The following STXBP6 variants were observed in gnomAD, a reference collection of about 807,000 sequenced individuals.
The protein encoded by STXBP6 is syntaxin-binding protein 6.
STXBP6 carries 21 observed loss-of-function variants against 26.9 expected under a neutral mutation model. That is an observed-to-expected ratio of 0.78 (90% CI 0.55 to 1.12). The LOEUF is 1.12. STXBP6 is among the 50% of genes most tolerant of loss of function. The pLI is 0.00. For missense variants in STXBP6, 232 were observed against 257.9 expected, an observed-to-expected ratio of 0.90 and a Z score of 0.69; for synonymous variants, 97 against 92.6, an observed-to-expected ratio of 1.05 and a Z score of -0.27.
At chr14:24,926,224 GA>G (rs370493048) in intron 2 of STXBP6, among the ~76,000 whole-genome samples, 11 of 150,794 alleles carry the variant, frequency 7.3e-5, no homozygotes, top group South Asian at 2.1e-4. Flanking sequence ...GAAGAAAAGG[GA>G]AAAAAAAAGC....
intron 4 of STXBP6, among the ~76,000 whole-genome samples, chr14:24,832,528 G>A (rs2068485856): frequency 6.6e-6 from 1 of 151,998 alleles, no homozygotes; most frequent in African/African-American, 2.4e-5. Context: ...AATCCCAATG[G>A]GTATCATGAC....
chr14:25,046,346 C>T (rs554533777), intron 1 of STXBP6, among the ~76,000 whole-genome samples: 54 of 152,354 alleles, frequency 3.5e-4, no homozygotes, highest in Non-Finnish European at 1.5e-5. Context: ...GCTGTTCCTT[C>T]ACCAAGTGCT....
chr14:24,933,432 C>T (rs1288785553), intron 2 of STXBP6, among the ~76,000 whole-genome samples: 1 of 152,086 alleles, frequency 6.6e-6, no homozygotes, highest in Non-Finnish European at 1.5e-5. Flanking sequence ...GGAACTGAAA[C>T]AGTATCCAGA....
intron 1 of STXBP6, among the ~76,000 whole-genome samples, chr14:25,026,483 C>T (rs528203243): frequency 9.9e-5 from 15 of 152,258 alleles, no homozygotes; most frequent in South Asian, 4.1e-4. Flanking sequence ...TAATCAAACA[C>T]GGTAATACTG....
At chr14:24,880,380 A>G (rs950894027) in intron 2 of STXBP6, among the ~76,000 whole-genome samples, 2 of 152,220 alleles carry the variant, frequency 1.3e-5, no homozygotes, top group African/African-American at 4.8e-5. Flanking sequence ...TTGGGGGTAC[A>G]TTAATGCTTA....
At chr14:25,035,950 G>C (rs1353738362) in intron 1 of STXBP6, among the ~76,000 whole-genome samples, 1 of 152,126 alleles carries the variant, frequency 6.6e-6, no homozygotes, top group Non-Finnish European at 1.5e-5. Context: ...GGGCACGGTG[G>C]CTCACGCCTG....
intron 4 of STXBP6, among the ~76,000 whole-genome samples, chr14:24,839,892 G>A (rs2068737540): frequency 6.6e-6 from 1 of 152,192 alleles, no homozygotes; most frequent in African/African-American, 2.4e-5. Flanking sequence ...CCGCTTTCTA[G>A]AGAGAAAGAG....
chr14:24,882,377 TCAAAAAA>T (rs2070400570), intron 2 of STXBP6, among the ~76,000 whole-genome samples: 1 of 12,966 alleles, frequency 7.7e-5, no homozygotes, highest in Admixed American at 2.1e-3. Context: ...AGACTCCGTC[TCAAAAAA>T]AAAAAAAAAA....
chr14:24,814,252 C>T (rs554401416), intron 5 of STXBP6, among the ~76,000 whole-genome samples: 2 of 152,158 alleles, frequency 1.3e-5, no homozygotes, highest in Non-Finnish European at 2.9e-5. Flanking sequence ...AATGGCAGAG[C>T]CAGGGCTCTA....
chr14:25,039,290 T>C (rs1186205454), intron 1 of STXBP6, among the ~76,000 whole-genome samples: 1 of 152,238 alleles, frequency 6.6e-6, no homozygotes, highest in African/African-American at 2.4e-5. Context: ...CAGGAAGTTA[T>C]TATAAGTCTT....
chr14:25,013,826 T>C (rs926745607), intron 1 of STXBP6, among the ~76,000 whole-genome samples: 2 of 151,090 alleles, frequency 1.3e-5, no homozygotes, highest in Non-Finnish European at 2.9e-5. Context: ...GTCAATCAAC[T>C]GCAATGTGTA....
chr14:24,933,882 T>C (rs2072508484), intron 2 of STXBP6, among the ~76,000 whole-genome samples: 1 of 152,196 alleles, frequency 6.6e-6, no homozygotes, highest in Non-Finnish European at 1.5e-5. Flanking sequence ...CTTACTTCTA[T>C]GTAAAAACTC....
intron 2 of STXBP6, among the ~76,000 whole-genome samples, chr14:24,898,320 G>T (rs1449682391): frequency 6.6e-5 from 10 of 152,176 alleles, no homozygotes; most frequent in Non-Finnish European, 1.5e-5. Flanking sequence ...TCACCACTGG[G>T]TAATAATATT....
At chr14:24,886,898 G>A (rs2139485354) in intron 2 of STXBP6, among the ~76,000 whole-genome samples, 1 of 152,242 alleles carries the variant, frequency 6.6e-6, no homozygotes, top group African/African-American at 2.4e-5. Flanking sequence ...TTTCTTTCTT[G>A]AATCCAATCC....
intron 2 of STXBP6, among the ~76,000 whole-genome samples, chr14:24,911,333 C>A (rs902826110): frequency 6.7e-6 from 1 of 148,672 alleles, no homozygotes; most frequent in Non-Finnish European, 1.5e-5. Flanking sequence ...CAAGACCCTG[C>A]CTCAAAGAAG....
chr14:25,014,178 G>A (rs1289530402), intron 1 of STXBP6, among the ~76,000 whole-genome samples: 3 of 152,154 alleles, frequency 2.0e-5, no homozygotes, highest in Non-Finnish European at 4.4e-5. Flanking sequence ...TCCTGTGTAC[G>A]TTTGAAATTT....
intron 4 of STXBP6, among the ~76,000 whole-genome samples, chr14:24,835,210 T>C (rs1413997972): frequency 6.6e-6 from 1 of 152,158 alleles, no homozygotes; most frequent in East Asian, 1.9e-4. Flanking sequence ...GCAAGCAAAC[T>C]GGATCCCTGA....
intron 1 of STXBP6, chr14:25,048,964 C>T (rs1280367373): frequency 5.8e-6 from 1 of 172,364 alleles, no homozygotes; most frequent in Non-Finnish European, 1.2e-5. Context: ...ACCTACCGAT[C>T]CTATTCTCTC....
chr14:24,933,256 C>T (rs566912216), intron 2 of STXBP6, among the ~76,000 whole-genome samples: 1 of 152,252 alleles, frequency 6.6e-6, no homozygotes, highest in South Asian at 2.1e-4. Flanking sequence ...GTGGGAGGAT[C>T]CCCTGAGCAA....
Sources: gnomAD v4.1 joint callset for allele counts (sites outside exome capture counted in the v4.1 genomes callset) on GRCh38, gnomAD v4.1.1 for gene constraint, MANE v1.5 for transcripts, NCBI Gene and HGNC (gene_info 2026-07-23, HGNC 2026-07-21) for gene names.